The following PON3 variants were observed in gnomAD, a reference collection of about 807,000 sequenced individuals.
PON3 encodes serum paraoxonase/lactonase 3.
In PON3, 37 loss-of-function variants were observed where a neutral mutation model predicts 36.3. The ratio of observed to expected loss-of-function variants is 1.02; its 90% confidence interval spans 0.78 to 1.34. PON3 has a LOEUF of 1.34. Among genes scored for constraint, PON3 ranks in the 40% most tolerant of loss-of-function variants. The pLI, the probability that PON3 is intolerant of heterozygous loss-of-function variation, is 0.00. For synonymous variants in PON3, 155 were observed against 154.8 expected (o/e 1.00, Z -0.01); for missense variants, 415 against 426.5 (o/e 0.97, Z 0.24).
At chr7:95,377,018 C>T (rs1562773331) in intron 3 of PON3, among the ~76,000 whole-genome samples, 1 of 152,198 alleles carries the variant, frequency 6.6e-6, no homozygotes, top group Non-Finnish European at 1.5e-5. Flanking sequence ...ACAGTCTGTA[C>T]CTGGAGGAAC....
chr7:95,375,500 ACT>A (rs1808897440), intron 3 of PON3, among the ~76,000 whole-genome samples: 1 of 151,874 alleles, frequency 6.6e-6, no homozygotes, highest in Non-Finnish European at 1.5e-5. Flanking sequence ...TATTGTTCAG[ACT>A]CTCTCTGCCA....
At chr7:95,378,196 C>T (rs1234970893) in intron 3 of PON3, among the ~76,000 whole-genome samples, 1 of 151,780 alleles carries the variant, frequency 6.6e-6, no homozygotes, top group Admixed American at 6.6e-5. Context: ...AGTGAGATGA[C>T]AAGATGAGAG....
intron 6 of PON3, 151 bp downstream of exon 6, chr7:95,363,712 T>C: frequency 3.8e-6 from 3 of 786,766 alleles, no homozygotes; most frequent in Non-Finnish European, 6.5e-6. Context: ...TTGCTTAGGA[T>C]GACAGATTTA....
intron 3 of PON3, among the ~76,000 whole-genome samples, chr7:95,387,095 T>C (rs534579925): frequency 2.0e-5 from 3 of 152,292 alleles, no homozygotes; most frequent in Admixed American, 2.0e-4. Flanking sequence ...ATGCCCTCTC[T>C]CACCACTCCT....
intron 3 of PON3, among the ~76,000 whole-genome samples, chr7:95,387,054 C>T (rs550427968): frequency 1.3e-5 from 2 of 152,234 alleles, no homozygotes; most frequent in South Asian, 4.2e-4. Flanking sequence ...AAACTGGAAG[C>T]ATTCCATTTG....
Position 95,396,299 on chromosome 7 carries a change from C to G in PON3, c.52G>C (p.Gly18Arg). 2 of 1,613,986 alleles carry G rather than the reference C, an allele frequency of 1.2e-6. No homozygotes were observed. The highest frequency in any genetic ancestry group is 1.7e-6 in the Non-Finnish European group (2 of 1,179,960). Residue 18 changes from glycine to arginine, a missense_variant, in exon 1 of 9, where the codon GGG (glycine) becomes CGG (arginine). Gly to Arg is a moderately radical substitution (Grantham distance 125). Coordinates refer to ENST00000265627, the MANE Select transcript of PON3 (RefSeq NM_000940.3). ...CACCTAAACGCCAGGAACATCTCCC[C>G]GACTAAGGACAGGCCGACCCCCAGC... ...VLLGVGLSLV[G>R]EMFLAFRERV...
At chr7:95,386,673 A>G (rs1451111612) in intron 3 of PON3, among the ~76,000 whole-genome samples, 1 of 152,202 alleles carries the variant, frequency 6.6e-6, no homozygotes, top group African/African-American at 2.4e-5. Context: ...GCAGAGACAC[A>G]ACAAAAATAG....
chr7:95,365,722 G>A (rs1050221634), intron 5 of PON3: 1 of 152,138 alleles, frequency 6.6e-6, no homozygotes, highest in African/African-American at 2.4e-5. Context: ...CGTGTTATTG[G>A]TAGGGCCATG....
chr7:95,374,327 T>C (rs961248076), intron 3 of PON3, among the ~76,000 whole-genome samples: 33 of 152,280 alleles, frequency 2.2e-4, no homozygotes, highest in African/African-American at 6.3e-4. Flanking sequence ...TCTTTCTCCC[T>C]CTTTTCTCAA....
intron 3 of PON3, among the ~76,000 whole-genome samples, chr7:95,384,580 C>T (rs1359918717): frequency 6.6e-6 from 1 of 152,128 alleles, no homozygotes; most frequent in Non-Finnish European, 1.5e-5. Flanking sequence ...ATTTATGCAG[C>T]CAACAGACCC....
At chr7:95,362,029 A>G (rs1808579155) in intron 8 of PON3, among the ~76,000 whole-genome samples, 1 of 152,162 alleles carries the variant, frequency 6.6e-6, no homozygotes, top group Admixed American at 6.5e-5. Flanking sequence ...AGATGGTACC[A>G]TATACAACTC....
rs116755017 is a variant in PON3, at chr7:95,362,548, C to A, written c.778-58G>T. On this transcript the variant is annotated intron_variant, in intron 7 of 8. Transcript: ENST00000265627. ...TCTCAATGATTCCTCGCTTTCTTCC[C>A]TATTCATCCCCACAACCCCTACAGC... 9.7e-4 allele frequency: 1,566 copies of A among 1,609,714 alleles called. 16 individuals carry two copies. The African/African-American group carries it at 0.019, about 19-fold the overall frequency.
chr7:95,365,197 C>G (rs1318453765), intron 5 of PON3: 1 of 152,314 alleles, frequency 6.6e-6, no homozygotes, highest in African/African-American at 2.4e-5. Context: ...TCAGGCTCCT[C>G]TTTAGATCCT....
chr7:95,377,733 A>T (rs1808952616), intron 3 of PON3: 1 of 198,762 alleles, frequency 5.0e-6, no homozygotes, highest in African/African-American at 2.4e-5. Flanking sequence ...TAGCATCAAC[A>T]TCAACAAAGA....
At chr7:95,367,104 G>A (rs1343356258) in intron 5 of PON3, among the ~76,000 whole-genome samples, 1 of 152,180 alleles carries the variant, frequency 6.6e-6, no homozygotes, top group Non-Finnish European at 1.5e-5. Context: ...TGGAATTAGA[G>A]CTGGGAATTT....
intron 4 of PON3, 136 bp downstream of exon 4, chr7:95,372,037 T>G: frequency 9.1e-7 from 1 of 1,095,510 alleles, no homozygotes; most frequent in Non-Finnish European, 1.4e-6. Flanking sequence ...TTATACCTAT[T>G]TATCATTTAA....
chr7:95,382,519 A>T (rs1585729374), intron 3 of PON3, among the ~76,000 whole-genome samples: 1 of 152,344 alleles, frequency 6.6e-6, no homozygotes, highest in East Asian at 1.9e-4. Flanking sequence ...GATAAAGGGG[A>T]TATCACCACT....
At chr7:95,382,082 C>G (rs886776571) in intron 3 of PON3, among the ~76,000 whole-genome samples, 3 of 152,194 alleles carry the variant, frequency 2.0e-5, no homozygotes, top group African/African-American at 7.2e-5. Flanking sequence ...GGAAACTGAA[C>G]AACCTGCTCC....
At chr7:95,395,736 G>C (rs1396447116) in intron 1 of PON3, 1 of 171,458 alleles carries the variant, frequency 5.8e-6, no homozygotes, top group Non-Finnish European at 1.3e-5. Context: ...CACTTCAAAA[G>C]GTCAAATGCC....
Sources: gnomAD v4.1 joint callset for allele counts (sites outside exome capture counted in the v4.1 genomes callset) on GRCh38, gnomAD v4.1.1 for gene constraint, MANE v1.5 for transcripts, NCBI Gene and HGNC (gene_info 2026-07-23, HGNC 2026-07-21) for gene names.